VSIG8: variants seen among roughly 807,000 people sequenced by gnomAD.
VSIG8 encodes the protein V-set and immunoglobulin domain containing 8.
A neutral mutation model predicts 42.6 loss-of-function variants in VSIG8; 32 were observed. The ratio of observed to expected loss-of-function variants is 0.75; its 90% CI spans 0.57 to 1.01. VSIG8 has a LOEUF of 1.01. Among genes scored for constraint, VSIG8 ranks in the 50% least tolerant of loss-of-function variants. The pLI, the probability that VSIG8 is intolerant of heterozygous loss-of-function variation, is 0.00. For synonymous variants in VSIG8, 290 were observed against 243.8 expected (o/e 1.19, Z -1.77); for missense variants, 529 against 558.0 (o/e 0.95, Z 0.52).
Position 159,854,782 on chromosome 1 carries a change from C to T in VSIG8, c.1216G>A (p.Val406Met). Residue 406 changes from valine to methionine, a missense_variant, in exon 7 of 7, where the codon GTG becomes ATG. Val to Met is a conservative substitution (Grantham distance 21, BLOSUM62 1). Coordinates refer to ENST00000368100, the MANE Select transcript of VSIG8 (RefSeq NM_001013661.1). ...ACCAAGAGGCCGTTCTTGCACTGCA[C>T]CGGCCCCTCGGCGCAGTCAGCCGGC... ...AEPADCAEGP[V>M]QCKNGLLV 3.3e-6 allele frequency: 5 copies of T among 1,503,944 alleles called. No individual in the cohort carries two copies. Among genetic ancestry groups the T allele is most frequent in the Non-Finnish European group, 3.5e-6 (4 of 1,133,818 alleles). 93.2% of individuals were successfully genotyped at this position (1,503,944 alleles called of 1,614,324 possible). A position where few individuals can be genotyped will look rare whatever the true frequency, so the allele number is the denominator to read the frequency against.
chr1:159,860,420 A>T (rs1428351988), intron 1 of VSIG8, among the ~76,000 whole-genome samples: 1 of 152,208 alleles, frequency 6.6e-6, no homozygotes, highest in Non-Finnish European at 1.5e-5. Context: ...TTCATTCAAG[A>T]CCAGACATAT....
intron 1 of VSIG8, 74 bp downstream of exon 1, chr1:159,862,399 T>C: frequency 6.7e-7 from 1 of 1,500,978 alleles, no homozygotes; most frequent in Non-Finnish European, 9.0e-7. Flanking sequence ...CAGGCTCCAC[T>C]GTGAGCCCTT....
At position 159,862,573 on chromosome 1, in the gene VSIG8, T is replaced by C. The variant is rs1357265730; in HGVS notation, c.-52A>G. On this transcript the variant is annotated 5_prime_UTR_variant, in exon 1 of 7. Transcript: ENST00000368100. The stretch of plus-strand genomic sequence containing the variant: ...CTGGGCTGGGTATCCCGTGGGGTCG[T>C]AGTGGTGGGTGTGAGGGGGTAGGTG... 1 of 1,579,002 alleles carries C rather than the reference T, an allele frequency of 6.3e-7. No individual in the cohort carries two copies. The highest frequency in any genetic ancestry group is 1.4e-5 in the African/African-American group (1 of 73,996).
At position 159,856,387 on chromosome 1, in the gene VSIG8, T is replaced by C. The variant is rs984873766; in HGVS notation, c.772+137A>G. ...GTACCCACTGATCTTGGCCCACTTGTAGGAAAGGGGCTGGGAGCCCCCACT... is the reference window on the plus strand; with the variant it reads ...GTACCCACTGATCTTGGCCCACTTGCAGGAAAGGGGCTGGGAGCCCCCACT... On this transcript the variant is annotated intron_variant, in intron 5 of 6. Transcript: ENST00000368100. 148 of 1,456,952 alleles carry C rather than the reference T, an allele frequency of 1.0e-4. No homozygotes were observed. In the Admixed American group the frequency reaches 2.8e-3, roughly 28 times the overall value. 90.3% of individuals were successfully genotyped at this position (1,456,952 alleles called of 1,614,324 possible).
At position 159,857,982 on chromosome 1, in the gene VSIG8, C is replaced by A; in HGVS notation, c.431-16G>T. ...GCAGGTCGTGCTGCAAGGAGGCAGA[C>A]AATTGTAAGCCAGGGCCCAGCCAAG... On this transcript the variant is annotated splice_polypyrimidine_tract_variant and intron_variant, in intron 3 of 6. Transcript: ENST00000368100. 3 of 1,612,790 alleles carry A rather than the reference C, an allele frequency of 1.9e-6. No homozygotes were observed. Among genetic ancestry groups the A allele is most frequent in the African/African-American group, 1.3e-5 (1 of 75,036 alleles).
In VSIG8 at chr1:159,857,773, C is replaced by T. The variant is rs745727406; in HGVS notation, c.624G>A (p.Gln208=). 16 of 1,614,010 alleles carry T rather than the reference C, an allele frequency of 9.9e-6. No individual in the cohort carries two copies. Among genetic ancestry groups the T allele is most frequent in the Middle Eastern group, 3.3e-4 (2 of 6,084 alleles). ...GGTTTATGGAGCTGTGGAAGGACTC[C>T]TGGTAGGACAGCTCTGAGTGGTAGC... ...QHSYHSELSY[Q]ESFHSSINQG... Residue 208 remains glutamine (Q), a synonymous_variant, in exon 4 of 7, where the codon CAG becomes CAA. Coordinates refer to ENST00000368100, the MANE Select transcript of VSIG8 (RefSeq NM_001013661.1).
At position 159,854,571 on chromosome 1, in the gene VSIG8, C is replaced by T; in HGVS notation, c.*182G>A. The T allele has an allele frequency of 8.3e-6, 10 of 1,202,764 alleles. No individual in the cohort carries two copies. Among genetic ancestry groups the T allele is most frequent in the African/African-American group, 1.6e-5 (1 of 62,264 alleles). 74.5% of individuals were successfully genotyped at this position (1,202,764 alleles called of 1,614,324 possible). On this transcript the variant is annotated 3_prime_UTR_variant, in exon 7 of 7. Transcript: ENST00000368100. Reference sequence around the variant, plus strand: ...CTTCCTCCGCCCTCGCCCGCCCCTTCCCACTTTTGGGGAGGAGGCTCTGCC... The same window carrying T: ...CTTCCTCCGCCCTCGCCCGCCCCTTTCCACTTTTGGGGAGGAGGCTCTGCC...
At chr1:159,855,066 C>T in intron 6 of VSIG8, 40 bp from the exon 7 acceptor site, 3 of 1,563,720 alleles carry the variant, frequency 1.9e-6, no homozygotes, top group Admixed American at 1.9e-5. Flanking sequence ...CGGGCTGCTC[C>T]GCAGCGGGGC....
intron 6 of VSIG8, chr1:159,855,635 C>G: frequency 8.2e-6 from 8 of 975,046 alleles, no homozygotes; most frequent in Non-Finnish European, 9.7e-6. Flanking sequence ...ACAGTCTAGA[C>G]AAGACAGACA....
chr1:159,855,404 A>C (rs1571165327), intron 6 of VSIG8: 4 of 1,408,496 alleles, frequency 2.8e-6, no homozygotes, highest in East Asian at 2.7e-5. Context: ...TCTCTTTCTC[A>C]CCTCCTGCCC....
Position 159,855,711 on chromosome 1 carries a change from G to T in VSIG8, c.971+172C>A, listed in dbSNP as rs796500003. The T allele has an allele frequency of 1.2e-4, 112 of 950,662 alleles. No individual in the cohort carries two copies. The African/African-American group carries it at 1.7e-3, about 15-fold the overall frequency. 58.9% of individuals were successfully genotyped at this position (950,662 alleles called of 1,614,324 possible). On this transcript the variant is annotated intron_variant, in intron 6 of 6. Coordinates refer to ENST00000368100, the MANE Select transcript of VSIG8 (RefSeq NM_001013661.1). ...GTGAAGACTGGGGTGGCAGGGGGAGGGGAAAGCCATGAGTTGGGTGGCAGG... is the reference window on the plus strand; with the variant it reads ...GTGAAGACTGGGGTGGCAGGGGGAGTGGAAAGCCATGAGTTGGGTGGCAGG...
rs1648749079 is a variant in VSIG8 at position 159,854,834 on chromosome 1, CG to C, written c.1163del (p.Pro388ArgfsTer70). The C allele has an allele frequency of 1.1e-5, 16 of 1,492,628 alleles. No homozygotes were observed. Among genetic ancestry groups the C allele is most frequent in the Non-Finnish European group, 1.3e-5 (15 of 1,129,332 alleles). The allele number at this position is 1,492,628 out of a possible 1,614,324, so 92.5% of individuals were successfully genotyped here. The part of the protein sequence containing the change: ...AAAACEAGPS[P>X]VYVKVKSAEP... ...CCGCGCTCTTGACCTTGACGTAGACCGGGGAGGGGCCCGCTTCGCAGGCGGC... is the reference window on the plus strand; with the variant it reads ...CCGCGCTCTTGACCTTGACGTAGACCGGGAGGGGCCCGCTTCGCAGGCGGC... On this transcript the variant is annotated frameshift_variant, in exon 7 of 7. Coordinates refer to ENST00000368100, the MANE Select transcript of VSIG8 (RefSeq NM_001013661.1). LOFTEE classifies it high-confidence loss of function.
chr1:159,857,960 G>C lies in VSIG8; in HGVS notation c.437C>G (p.Pro146Arg), dbSNP rs1648901114. ...RKVIVTVQAR[P>R]AVPMCWTEGH... ...CTCTGTCCAGCACATGGGCACTGCA[G>C]GTCGTGCTGCAAGGAGGCAGACAAT... is the stretch of plus-strand genomic sequence containing the variant. The change falls in exon 4 of 7, where the codon CCT becomes CGT. Residue 146 changes from proline to arginine, a missense_variant. Pro to Arg is a moderately radical substitution (Grantham distance 103, BLOSUM62 -2). Transcript: ENST00000368100. 2 of 1,613,834 alleles carry C rather than the reference G, an allele frequency of 1.2e-6. No homozygotes were observed. The highest frequency in any genetic ancestry group is 1.7e-6 in the Non-Finnish European group (2 of 1,179,852).
chr1:159,857,965 T>C lies in VSIG8; in HGVS notation c.432A>G (p.Ala144=). 2 of 1,613,682 alleles carry C rather than the reference T, an allele frequency of 1.2e-6. No homozygotes were observed. Among genetic ancestry groups the C allele is most frequent in the African/African-American group, 1.3e-5 (1 of 75,038 alleles). The change falls in exon 4 of 7, where the codon GCA becomes GCG. Residue 144 remains alanine (A), a splice_region_variant and synonymous_variant. Transcript: ENST00000368100. Reference sequence around the variant, plus strand: ...TCCAGCACATGGGCACTGCAGGTCGTGCTGCAAGGAGGCAGACAATTGTAA... The same window carrying C: ...TCCAGCACATGGGCACTGCAGGTCGCGCTGCAAGGAGGCAGACAATTGTAA... ...ATRKVIVTVQ[A]RPAVPMCWTE...
intron 1 of VSIG8, chr1:159,860,540 T>C (rs1332994656): frequency 6.6e-6 from 1 of 152,220 alleles, no homozygotes; most frequent in Admixed American, 6.5e-5. Flanking sequence ...CTAGGAACAC[T>C]GGCTGGGCCA....
At chr1:159,858,411 G>A (rs1275499709) in intron 2 of VSIG8, 120 bp from the exon 3 acceptor site, 4 of 1,034,700 alleles carry the variant, frequency 3.9e-6, no homozygotes, top group Non-Finnish European at 5.8e-6. Context: ...CTGAAAAAAT[G>A]AGAATAATGA....
chr1:159,860,164 C>T (rs1228046507), intron 1 of VSIG8, among the ~76,000 whole-genome samples: 3 of 152,166 alleles, frequency 2.0e-5, no homozygotes, highest in African/African-American at 4.8e-5. Flanking sequence ...TGGCTCAGGA[C>T]CATGTTTACA....
At chr1:159,856,302 T>C (rs1648822181) in intron 5 of VSIG8, among the ~76,000 whole-genome samples, 1 of 152,162 alleles carries the variant, frequency 6.6e-6, no homozygotes, top group Non-Finnish European at 1.5e-5. Flanking sequence ...CTCTGGGCTC[T>C]AGAGCTCAGA....
chr1:159,856,193 C>G (rs1648818092), intron 5 of VSIG8, 112 bp from the exon 6 acceptor site: 1 of 1,116,200 alleles, frequency 9.0e-7, no homozygotes, highest in East Asian at 2.6e-5. Context: ...GGAGAGGGAC[C>G]CAGGGGGTCT....
Sources: gnomAD v4.1 joint callset for allele counts (sites outside exome capture counted in the v4.1 genomes callset) on GRCh38, gnomAD v4.1.1 for gene constraint, MANE v1.5 for transcripts, NCBI Gene and HGNC (gene_info 2026-07-23, HGNC 2026-07-21) for gene names.